FEZF1: variants seen among roughly 807,000 people sequenced by gnomAD.
FEZF1 encodes FEZ family zinc finger 1.
Under a neutral mutation model 32.4 loss-of-function variants are expected in FEZF1, and 8 were observed. That is an observed-to-expected ratio of 0.25 (90% CI 0.15 to 0.45). FEZF1 has a LOEUF of 0.45. Among genes scored for constraint, FEZF1 ranks in the 20% least tolerant of loss-of-function variants. The pLI, the probability that FEZF1 is intolerant of heterozygous loss-of-function variation, is 1.00. For missense variants in FEZF1, 546 were observed against 622.3 expected (o/e 0.88, Z 1.31); for synonymous variants, 259 against 265.2 (o/e 0.98, Z 0.23).
upstream of FEZF1, among the ~76,000 whole-genome samples, chr7:122,309,100 T>A (rs575998824): frequency 1.3e-5 from 2 of 152,338 alleles, no homozygotes; most frequent in South Asian, 4.1e-4. Flanking sequence ...GGAAAGAGTT[T>A]CTGAATACCT....
At chr7:122,306,719 G>A (rs1437596676), upstream of FEZF1, 2 of 152,372 alleles carry the variant, frequency 1.3e-5, no homozygotes, top group Admixed American at 6.5e-5. Flanking sequence ...GAGTCTTATT[G>A]GAAGTTGAGG....
At chr7:122,306,750 G>C (rs2031293504), upstream of FEZF1, 1 of 152,376 alleles carries the variant, frequency 6.6e-6, no homozygotes, top group African/African-American at 2.4e-5. Flanking sequence ...GGCAAGATGG[G>C]GGGAGAGGTC....
Position 122,303,767 on chromosome 7 carries a change from G to T in FEZF1, c.671C>A (p.Ala224Asp). 2 of 1,614,222 alleles carry T rather than the reference G, an allele frequency of 1.2e-6. No individual in the cohort carries two copies. The highest frequency in any genetic ancestry group is 1.7e-6 in the Non-Finnish European group (2 of 1,180,042). Residue 224 changes from alanine (A) to aspartate (D), a missense_variant, in exon 1 of 4, where the codon GCT becomes GAT. Ala to Asp is a moderately radical substitution (Grantham distance 126, BLOSUM62 -2). Transcript: ENST00000442488. ...TTCTTTCATGTAATGCTGCAGCTGAGCCTGGGACAGGTCTTTGAAAGCTAC... is the reference window on the plus strand; with the variant it reads ...TTCTTTCATGTAATGCTGCAGCTGATCCTGGGACAGGTCTTTGAAAGCTAC... ...SGVAFKDLSQ[A>D]QLQHYMKESA...
rs1412357559 is a variant in FEZF1 at position 122,302,963 on chromosome 7, T to C, written c.937-32A>G. 1.9e-6 allele frequency: 3 copies of C among 1,583,034 alleles called. No homozygotes were observed. The highest frequency in any genetic ancestry group is 1.7e-6 in the Non-Finnish European group (2 of 1,165,762). On this transcript the variant is annotated intron_variant, in intron 2 of 3. Transcript: ENST00000442488. The surrounding 1 kb of genome is among the most constrained non-coding windows in gnomAD (Gnocchi z 4.4). ...AGGAGAAAGGAAAAGCAGAGACATT[T>C]AGATATTTTCTAATTATGTGAAGTT... is the stretch of plus-strand genomic sequence containing the variant.
chr7:122,302,738 A>C lies in FEZF1; in HGVS notation c.1069+61T>G. 1 of 1,568,848 alleles carries C rather than the reference A, an allele frequency of 6.4e-7. No homozygotes were observed. Among genetic ancestry groups the C allele is most frequent in the African/African-American group, 1.4e-5 (1 of 73,196 alleles). ...AAACATCGTCTTCTAAAACATCCCG[A>C]AAGTATTAAGTATGGCTTTTCATAA... is the stretch of plus-strand genomic sequence containing the variant. On this transcript the variant is annotated intron_variant, in intron 3 of 3. Coordinates refer to ENST00000442488, the MANE Select transcript of FEZF1 (RefSeq NM_001024613.4). This position sits in a 1 kb window ranked among gnomAD's most constrained non-coding sequence, Gnocchi z 4.4.
rs1218083905 is a variant in FEZF1 at position 122,304,172 on chromosome 7, C to T, written c.266G>A (p.Gly89Glu). The change falls in exon 1 of 4, where the codon GGA becomes GAA. Residue 89 changes from glycine (G) to glutamate (E), a missense_variant. Physicochemically the swap from Gly to Glu is moderately conservative, Grantham distance 98. Around this residue, in one of 3 missense-constraint regions of FEZF1, gnomAD observed 345 missense variants for 360.6 expected, o/e 0.96. Coordinates refer to ENST00000442488, the MANE Select transcript of FEZF1 (RefSeq NM_001024613.4). ...CTTCCGCGGCTCGGAGCCCGTCACT[C>T]CTGCCTTGGGGCTCGTGTCGTAGGC... ...PVAYDTSPKA[G>E]VTGSEPRKAS... 1.2e-6 allele frequency: 2 copies of T among 1,601,646 alleles called. No homozygotes were observed. The highest frequency in any genetic ancestry group is 1.1e-5 in the South Asian group (1 of 89,584).
At position 122,304,442 on chromosome 7, in the gene FEZF1, G is replaced by GCT; in HGVS notation, c.-6_-5insAG. The GCT allele has an allele frequency of 6.5e-7, 1 of 1,531,990 alleles. No homozygotes were observed. Among genetic ancestry groups the GCT allele is most frequent in the Non-Finnish European group, 8.8e-7 (1 of 1,133,442 alleles). The allele number at this position is 1,531,990 out of a possible 1,614,324, so 94.9% of individuals were successfully genotyped here. Reference sequence around the variant, plus strand: ...GTTGTGGCAGCTACTGTCCATGTCTGAGTCGCCAGCGTCCGTCAGCCGGGG... The same window carrying GCT: ...GTTGTGGCAGCTACTGTCCATGTCTGCTAGTCGCCAGCGTCCGTCAGCCGGGG... On this transcript the variant is annotated 5_prime_UTR_variant, in exon 1 of 4. Transcript: ENST00000442488.
At position 122,301,889 on chromosome 7, in the gene FEZF1, G is replaced by C; in HGVS notation, c.*108C>G. ...GGCTTCTGGTCGGCCCTGAAGTGTG[G>C]GGCCCAACATGCCCTGGGGTCTGCA... On this transcript the variant is annotated 3_prime_UTR_variant, in exon 4 of 4. Coordinates refer to ENST00000442488, the MANE Select transcript of FEZF1 (RefSeq NM_001024613.4). 6.8e-7 allele frequency: 1 copy of C among 1,464,886 alleles called. No individual in the cohort carries two copies. The highest frequency in any genetic ancestry group is 9.1e-7 in the Non-Finnish European group (1 of 1,103,744). 90.7% of individuals were successfully genotyped at this position (1,464,886 alleles called of 1,614,324 possible).
At chr7:122,309,262 A>G (rs1193809013), upstream of FEZF1, among the ~76,000 whole-genome samples, 1 of 152,248 alleles carries the variant, frequency 6.6e-6, no homozygotes, top group Non-Finnish European at 1.5e-5. Flanking sequence ...TGTGAAGGAC[A>G]GTATCACAGG....
chr7:122,304,083 C>T lies in FEZF1; in HGVS notation c.355G>A (p.Asp119Asn). The change falls in exon 1 of 4, where the codon GAC becomes AAC. Residue 119 changes from aspartate to asparagine, a missense_variant. Coordinates refer to ENST00000442488, the MANE Select transcript of FEZF1 (RefSeq NM_001024613.4). ...VPSAPAFSCS[D>N]LLNCALSLKG... Reference sequence around the variant, plus strand: ...AGACTCAGTGCGCAGTTGAGCAGGTCGCTGCAGCTGAATGCGGGAGCCGAG... The same window carrying T: ...AGACTCAGTGCGCAGTTGAGCAGGTTGCTGCAGCTGAATGCGGGAGCCGAG... 6.4e-7 allele frequency: 1 copy of T among 1,569,764 alleles called. No individual in the cohort carries two copies. The highest frequency in any genetic ancestry group is 2.4e-5 in the East Asian group (1 of 42,286).
At chr7:122,305,637 A>G (rs1207431534), upstream of FEZF1, 1 of 152,192 alleles carries the variant, frequency 6.6e-6, no homozygotes, top group East Asian at 1.9e-4. Context: ...TTTCTTAAGT[A>G]CCTGCGCTCA....
In FEZF1 at chr7:122,302,155, C is replaced by T; in HGVS notation, c.1270G>A (p.Asp424Asn). Residue 424 changes from aspartate (D) to asparagine (N), a missense_variant, in exon 4 of 4, where the codon GAC becomes AAC. Coordinates refer to ENST00000442488, the MANE Select transcript of FEZF1 (RefSeq NM_001024613.4). The surrounding 1 kb of genome is among the most constrained non-coding windows in gnomAD (Gnocchi z 4.4). ...DLKKHVRKLH[D>N]SSLGLARTPA... is the part of the protein sequence containing the mutation. ...GTGCGGGCCAGCCCCAGGCTGCTGT[C>T]GTGCAGCTTGCGGACATGCTTCTTG... The T allele has an allele frequency of 6.2e-7, 1 of 1,614,182 alleles. No individual in the cohort carries two copies. Among genetic ancestry groups the T allele is most frequent in the Non-Finnish European group, 8.5e-7 (1 of 1,180,038 alleles).
At chr7:122,303,574 GA>G (rs2031144731) in intron 1 of FEZF1, 62 bp downstream of exon 1, 5 of 1,061,076 alleles carry the variant, frequency 4.7e-6, no homozygotes, top group Non-Finnish European at 7.0e-6. Context: ...GGGAGGGAGG[GA>G]GGGAAGGAAG....
At chr7:122,303,516 A>AGGAAGGAAGGAG in intron 1 of FEZF1, 121 bp downstream of exon 1, 2 of 531,936 alleles carry the variant, frequency 3.8e-6, no homozygotes, top group South Asian at 2.3e-5. Flanking sequence ...GAAGGAAGGA[A>AGGAAGGAAGGAG]GGAAGGAAGG....
upstream of FEZF1, chr7:122,308,470 A>G (rs1214946505): frequency 6.6e-6 from 1 of 152,214 alleles, no homozygotes; most frequent in African/African-American, 2.4e-5. Flanking sequence ...ACTAAAAAAT[A>G]TTCATGATTT....
chr7:122,309,530 AGTTT>A (rs1350293716), upstream of FEZF1: 1 of 152,258 alleles, frequency 6.6e-6, no homozygotes, highest in Non-Finnish European at 1.5e-5. Context: ...ACTTGGGCTC[AGTTT>A]GTTTCTGACC....
upstream of FEZF1, among the ~76,000 whole-genome samples, chr7:122,309,045 G>A (rs1466278370): frequency 2.6e-5 from 4 of 152,192 alleles, no homozygotes; most frequent in South Asian, 2.1e-4. Context: ...GATGGAGGCA[G>A]GGTGACGGGA....
Position 122,302,785 on chromosome 7 carries a change from C to T in FEZF1, c.1069+14G>A, listed in dbSNP as rs773725968. 6.3e-7 allele frequency: 1 copy of T among 1,594,334 alleles called. No individual in the cohort carries two copies. The highest frequency in any genetic ancestry group is 1.1e-5 in the South Asian group (1 of 90,202). ...ATAAGACTAACCATGAGAGACATTT[C>T]CTGGTTTGCATACCTTTTTGATGAA... On this transcript the variant is annotated intron_variant, in intron 3 of 3. Coordinates refer to ENST00000442488, the MANE Select transcript of FEZF1 (RefSeq NM_001024613.4). This position sits in a 1 kb window ranked among gnomAD's most constrained non-coding sequence, Gnocchi z 4.4.
Position 122,302,418 on chromosome 7 carries a change from C to T in FEZF1, c.1070-63G>A, listed in dbSNP as rs944026636. 8 of 1,602,920 alleles carry T rather than the reference C, an allele frequency of 5.0e-6. No individual in the cohort carries two copies. The African/African-American group carries it at 1.1e-4, about 22-fold the overall frequency. On this transcript the variant is annotated intron_variant, in intron 3 of 3. Coordinates refer to ENST00000442488, the MANE Select transcript of FEZF1 (RefSeq NM_001024613.4). This position sits in a 1 kb window ranked among gnomAD's most constrained non-coding sequence, Gnocchi z 4.4. Reference sequence around the variant, plus strand: ...AAAAAATAGCTTAAAAAGGGAGGAGCAGACACGTGGAAGGTAGCGCCAGGC... The same window carrying T: ...AAAAAATAGCTTAAAAAGGGAGGAGTAGACACGTGGAAGGTAGCGCCAGGC...
Sources: gnomAD v4.1 joint callset for allele counts (sites outside exome capture counted in the v4.1 genomes callset) on GRCh38, gnomAD v4.1.1 for gene constraint, gnomAD v4.1.1 regional missense constraint, Gnocchi (gnomAD v3.1) non-coding constraint, MANE v1.5 for transcripts, NCBI Gene and HGNC (gene_info 2026-07-23, HGNC 2026-07-21) for gene names.